Variants in ESD observed in about 807,000 individuals in gnomAD.
The protein encoded by ESD is S-formylglutathione hydrolase.
A neutral mutation model predicts 38.1 loss-of-function variants in ESD; 34 were observed. The ratio of observed to expected loss-of-function variants is 0.89; its 90% CI spans 0.68 to 1.19. The LOEUF (loss-of-function observed/expected upper bound fraction) is 1.19. Among genes scored for constraint, ESD ranks in the 50% most tolerant of loss-of-function variants. The probability of loss-of-function intolerance (pLI) is 0.00; values close to 1 mark genes in which losing one functional copy is unlikely to be tolerated. For missense variants in ESD, 334 were observed against 327.2 expected, an observed-to-expected ratio of 1.02 and a Z score of -0.16; for synonymous variants, 97 against 107.0, an observed-to-expected ratio of 0.91 and a Z score of 0.58.
At chr13:46,783,732 TAG>T (rs1875092950) in intron 5 of ESD, among the ~76,000 whole-genome samples, 1 of 151,960 alleles carries the variant, frequency 6.6e-6, no homozygotes, top group Admixed American at 6.6e-5. Flanking sequence ...CTGAAACTTC[TAG>T]AGTCATAAAA....
At chr13:46,785,883 T>C (rs1875177365) in intron 4 of ESD, among the ~76,000 whole-genome samples, 1 of 151,940 alleles carries the variant, frequency 6.6e-6, no homozygotes. Context: ...CCAAGAGATA[T>C]GACTATAGTA....
intron 5 of ESD, among the ~76,000 whole-genome samples, 155 bp from the exon 6 acceptor site, chr13:46,782,946 C>T (rs1183252758): frequency 3.3e-5 from 5 of 151,914 alleles, no homozygotes; most frequent in Non-Finnish European, 5.9e-5. Context: ...TAGGATTATA[C>T]TTCCTGCTCC....
intron 1 of ESD, among the ~76,000 whole-genome samples, chr13:46,795,786 T>A (rs1220966421): frequency 2.0e-5 from 3 of 150,204 alleles, no homozygotes; most frequent in African/African-American, 7.4e-5. Flanking sequence ...AGGGTCAAAC[T>A]CTGTGGCCCA....
intron 4 of ESD, 49 bp downstream of exon 4, chr13:46,786,971 TA>T (rs1467950908): frequency 4.2e-6 from 5 of 1,193,734 alleles, no homozygotes; most frequent in Non-Finnish European, 5.6e-6. Flanking sequence ...ATAAGCCAGT[TA>T]AAAAGAAAAT....
chr13:46,795,165 T>C (rs1875531369), intron 1 of ESD, among the ~76,000 whole-genome samples: 1 of 152,190 alleles, frequency 6.6e-6, no homozygotes, highest in Admixed American at 6.5e-5. Flanking sequence ...CTTTTTGAAT[T>C]CCCACTGCCA....
chr13:46,787,219 A>G (rs1441914345), intron 3 of ESD, 110 bp from the exon 4 acceptor site: 3 of 533,620 alleles, frequency 5.6e-6, no homozygotes, highest in Non-Finnish European at 9.4e-6. Flanking sequence ...AAGGTCCAAA[A>G]TAAGTTATTT....
At chr13:46,776,028 A>G (rs1026875117) in intron 9 of ESD, 8 of 185,270 alleles carry the variant, frequency 4.3e-5, no homozygotes, top group Non-Finnish European at 5.7e-5. Context: ...CAACATGGGT[A>G]GTGCCAAGAA....
chr13:46,771,523 T>G, intron 9 of ESD, 27 bp from the exon 10 acceptor site: 5 of 1,319,616 alleles, frequency 3.8e-6, no homozygotes, highest in Non-Finnish European at 4.3e-6. Flanking sequence ...TGATAAGACA[T>G]TTATCTACCA....
intron 4 of ESD, among the ~76,000 whole-genome samples, 182 bp from the exon 5 acceptor site, chr13:46,784,532 A>G (rs191160236): frequency 8.5e-5 from 13 of 152,056 alleles, no homozygotes; most frequent in African/African-American, 2.6e-4. Flanking sequence ...ATGTCACGCA[A>G]TACGCTCATA....
intron 3 of ESD, among the ~76,000 whole-genome samples, chr13:46,790,979 G>A (rs116012939): frequency 0.021 from 3,203 of 152,192 alleles, 113 homozygotes; most frequent in African/African-American, 0.072. Flanking sequence ...TGGAGGCAGC[G>A]GAAGCAAATG....
At chr13:46,782,921 T>A in intron 5 of ESD, 130 bp from the exon 6 acceptor site, 5 of 1,125,308 alleles carry the variant, frequency 4.4e-6, no homozygotes, top group Non-Finnish European at 6.3e-6. Context: ...GCTCTCTGCC[T>A]TTTGGAGCAC....
intron 5 of ESD, among the ~76,000 whole-genome samples, chr13:46,783,974 G>C (rs1044381958): frequency 1.3e-5 from 2 of 151,884 alleles, no homozygotes; most frequent in African/African-American, 4.8e-5. Context: ...GTGCCAACAT[G>C]ATATATGAAT....
upstream of ESD, chr13:46,797,378 A>G (rs1299328708): frequency 6.6e-6 from 1 of 152,394 alleles, no homozygotes; most frequent in Non-Finnish European, 1.5e-5. Flanking sequence ...ACTAGGACCA[A>G]CGAGGAGGGC....
intron 3 of ESD, among the ~76,000 whole-genome samples, chr13:46,789,692 C>G (rs1334496320): frequency 2.0e-5 from 3 of 151,898 alleles, no homozygotes; most frequent in African/African-American, 7.3e-5. Flanking sequence ...TTTTGTTGTC[C>G]TTTCTGATTT....
rs544499790 is a variant in ESD, at chr13:46,790,008, AT to A, written c.68+1337del. Among the ~76,000 whole-genome samples the A allele has an allele frequency of 5.0e-3, 686 of 136,048 alleles. 4 individuals carry two copies. Among genetic ancestry groups the A allele is most frequent in the South Asian group, 8.7e-3 (37 of 4,252 alleles). 89.3% of individuals were successfully genotyped at this position (136,048 alleles called of 152,430 possible). ...TTTTTGTACATATATATATATATAT[AT>A]TTTTTTTTTTTCAGTAGAGACAGGG... On this transcript the variant is annotated intron_variant, in intron 3 of 9. Transcript: ENST00000378720.
intron 4 of ESD, among the ~76,000 whole-genome samples, chr13:46,786,391 C>T (rs1365093856): frequency 6.6e-6 from 1 of 151,986 alleles, no homozygotes; most frequent in African/African-American, 2.4e-5. Context: ...CTAGGATTCT[C>T]TCCTTATGTT....
At chr13:46,797,524 C>T (rs1049969701), upstream of ESD, among the ~76,000 whole-genome samples, 3 of 151,756 alleles carry the variant, frequency 2.0e-5, no homozygotes, top group African/African-American at 4.8e-5. Context: ...AGAGGGTTTC[C>T]GTGTCACTTA....
chr13:46,789,573 A>C (rs1233094714), intron 3 of ESD, among the ~76,000 whole-genome samples: 1 of 151,958 alleles, frequency 6.6e-6, no homozygotes, highest in Non-Finnish European at 1.5e-5. Flanking sequence ...TGGCAACTTC[A>C]GTTCTGGGAA....
intron 9 of ESD, chr13:46,775,531 T>C (rs1874764542): frequency 4.9e-6 from 2 of 405,026 alleles, no homozygotes; most frequent in African/African-American, 4.2e-5. Flanking sequence ...GTGATAAAAC[T>C]CGCAGACCCA....
Sources: gnomAD v4.1 joint callset for allele counts (sites outside exome capture counted in the v4.1 genomes callset) on GRCh38, gnomAD v4.1.1 for gene constraint, MANE v1.5 for transcripts, NCBI Gene and HGNC (gene_info 2026-07-23, HGNC 2026-07-21) for gene names.